TRPC7: variants seen among roughly 807,000 people sequenced by gnomAD.
TRPC7 encodes the protein transient receptor potential cation channel subfamily C member 7.
In TRPC7, 42 loss-of-function variants were observed where a neutral mutation model predicts 90.1. That is an observed-to-expected ratio of 0.47 (90% CI 0.36 to 0.60). The LOEUF (loss-of-function observed/expected upper bound fraction) is 0.60, where lower values mean the gene tolerates loss of function less well. Among genes scored for constraint, TRPC7 ranks in the 20% least tolerant of loss-of-function variants. The probability of loss-of-function intolerance (pLI) is 0.00; values close to 1 mark genes in which losing one functional copy is unlikely to be tolerated. For missense variants in TRPC7, 955 were observed against 1,112.3 expected (o/e 0.86, Z 2.01); for synonymous variants, 451 against 436.3 (o/e 1.03, Z -0.42).
At position 136,228,032 on chromosome 5, in the gene TRPC7, GA is replaced by G. The variant is rs541849997; in HGVS notation, c.2041-1778del. ...GTGCTAGGGAGGCCCTGGGCATGAC[GA>G]TCCATGCCGTGGTGGAACACACAGT... On this transcript the variant is annotated intron_variant, in intron 8 of 11. Transcript: ENST00000513104. Among the ~76,000 whole-genome samples, 55 of 152,200 alleles carry G rather than the reference GA, an allele frequency of 3.6e-4. No individual in the cohort carries two copies. In the South Asian group the frequency reaches 0.011, roughly 30 times the overall value.
intron 3 of TRPC7, among the ~76,000 whole-genome samples, chr5:136,286,538 A>T (rs1757725235): frequency 6.6e-6 from 1 of 152,214 alleles, no homozygotes; most frequent in Non-Finnish European, 1.5e-5. Flanking sequence ...GGTGCCTGCC[A>T]TGTGGGTATA....
chr5:136,305,078 A>G (rs989014690), intron 3 of TRPC7, among the ~76,000 whole-genome samples: 18 of 152,226 alleles, frequency 1.2e-4, no homozygotes, highest in Admixed American at 9.2e-4. Context: ...TGACGCATAT[A>G]CTTTCTGCTC....
chr5:136,226,702 T>C (rs1196980314), intron 8 of TRPC7, among the ~76,000 whole-genome samples: 1 of 152,248 alleles, frequency 6.6e-6, no homozygotes, highest in Non-Finnish European at 1.5e-5. Context: ...GCCAAAAAGA[T>C]GAGCCACATA....
intron 3 of TRPC7, among the ~76,000 whole-genome samples, chr5:136,275,491 G>C (rs1251654675): frequency 6.6e-6 from 1 of 152,176 alleles, no homozygotes; most frequent in Non-Finnish European, 1.5e-5. Flanking sequence ...CTGGATCCCA[G>C]TGGTGTTGGG....
intron 5 of TRPC7, among the ~76,000 whole-genome samples, chr5:136,264,180 T>C (rs1285780468): frequency 6.6e-6 from 1 of 152,156 alleles, no homozygotes. Context: ...ACATCCCTTA[T>C]ATTGGAATAA....
chr5:136,351,115 G>A (rs1760179115), intron 2 of TRPC7, among the ~76,000 whole-genome samples: 1 of 152,094 alleles, frequency 6.6e-6, no homozygotes, highest in Non-Finnish European at 1.5e-5. Flanking sequence ...TTATATATTT[G>A]TATTATTTTT....
chr5:136,292,235 A>G (rs1418998075), intron 3 of TRPC7, among the ~76,000 whole-genome samples: 2 of 152,226 alleles, frequency 1.3e-5, no homozygotes, highest in Non-Finnish European at 2.9e-5. Context: ...TAAAAGAACT[A>G]GAGAAGCAAG....
At chr5:136,328,209 T>G (rs1040833893) in intron 2 of TRPC7, among the ~76,000 whole-genome samples, 5 of 152,100 alleles carry the variant, frequency 3.3e-5, no homozygotes, top group African/African-American at 1.2e-4. Context: ...TCAGGGGGAT[T>G]TAGGCAACTC....
intron 7 of TRPC7, among the ~76,000 whole-genome samples, chr5:136,235,195 A>G (rs1355238702): frequency 6.6e-6 from 1 of 152,222 alleles, no homozygotes; most frequent in Non-Finnish European, 1.5e-5. Flanking sequence ...TAAGACAAAC[A>G]ATGGATGATA....
At chr5:136,307,419 GC>G (rs1758675118) in intron 3 of TRPC7, among the ~76,000 whole-genome samples, 1 of 152,278 alleles carries the variant, frequency 6.6e-6, no homozygotes, top group African/African-American at 2.4e-5. Context: ...AGGCACTGGT[GC>G]TTTTTTTGGT....
rs960081629 is a variant in TRPC7, at chr5:136,251,760, A to T, written c.1468T>A (p.Phe490Ile). The T allele has an allele frequency of 6.8e-6, 11 of 1,613,956 alleles. No homozygotes were observed. The African/African-American group carries it at 9.3e-5, about 14-fold the overall frequency. Residue 490 changes from phenylalanine to isoleucine, a missense_variant, in exon 6 of 12, where the codon TTC becomes ATC. Physicochemically the swap from Phe to Ile is conservative, Grantham distance 21. Around this residue, in one of 4 missense-constraint regions of TRPC7, gnomAD observed 484 missense variants for 509.6 expected, o/e 0.95. Coordinates refer to ENST00000513104, the MANE Select transcript of TRPC7 (RefSeq NM_020389.3). ...SIFVASFTAR[F>I]MAFLKATEAQ... ...TCCGTGGCCTTCAGGAAGGCCATGA[A>T]GCGTGCTGTGAAGGAGGCCACGAAG...
At chr5:136,227,652 A>T (rs1237827038) in intron 8 of TRPC7, among the ~76,000 whole-genome samples, 4 of 152,156 alleles carry the variant, frequency 2.6e-5, no homozygotes, top group African/African-American at 9.7e-5. Context: ...TCGCTGTACA[A>T]GAGAGTTGTA....
intron 3 of TRPC7, among the ~76,000 whole-genome samples, chr5:136,312,366 T>C (rs1196898864): frequency 2.0e-5 from 3 of 152,162 alleles, no homozygotes; most frequent in Admixed American, 6.5e-5. Flanking sequence ...AGAAGAACCC[T>C]AGAGTCCCAA....
Position 136,247,241 on chromosome 5 carries a change from T to C in TRPC7, c.1844+230A>G, listed in dbSNP as rs569786709. Among the ~76,000 whole-genome samples, 1 of 151,184 alleles carries C rather than the reference T, an allele frequency of 6.6e-6. No individual in the cohort carries two copies. The highest frequency in any genetic ancestry group is 6.6e-5 in the Admixed American group (1 of 15,164). ...TACATGTGATTTTTTTTTTTCTAAA[T>C]GGGAACATGCTCTGGTCACACGAAA... On this transcript the variant is annotated intron_variant, in intron 7 of 11. Transcript: ENST00000513104. This position sits in a 1 kb window ranked among gnomAD's most constrained non-coding sequence, Gnocchi z 4.2.
chr5:136,238,609 A>G (rs2149800230), intron 7 of TRPC7, among the ~76,000 whole-genome samples: 1 of 120,824 alleles, frequency 8.3e-6, no homozygotes, highest in African/African-American at 3.0e-5. Flanking sequence ...TAAAAAGGTG[A>G]GACCCTCTCC....
intron 2 of TRPC7, among the ~76,000 whole-genome samples, chr5:136,318,247 T>C (rs972259527): frequency 5.3e-5 from 8 of 152,200 alleles, no homozygotes; most frequent in African/African-American, 1.9e-4. Context: ...TGGAAGGAGA[T>C]GACATACACC....
intron 8 of TRPC7, among the ~76,000 whole-genome samples, chr5:136,230,849 C>T (rs567040562): frequency 6.6e-6 from 1 of 152,196 alleles, no homozygotes; most frequent in Admixed American, 6.5e-5. Flanking sequence ...CCACTCCCCA[C>T]AACCTGGTTG....
chr5:136,361,049 C>G (rs927464782), intron 1 of TRPC7, among the ~76,000 whole-genome samples: 2 of 152,162 alleles, frequency 1.3e-5, no homozygotes, highest in African/African-American at 4.8e-5. Flanking sequence ...GATAAAGTCA[C>G]ATGTCTCTCA....
At chr5:136,254,300 C>G (rs1336805180) in intron 5 of TRPC7, among the ~76,000 whole-genome samples, 1 of 152,188 alleles carries the variant, frequency 6.6e-6, no homozygotes, top group African/African-American at 2.4e-5. Flanking sequence ...TTAGAACTTT[C>G]AGAGCTATAG....
Sources: allele counts gnomAD v4.1 joint callset (sites outside exome capture counted in the v4.1 genomes callset), GRCh38; gene constraint gnomAD v4.1.1; regional missense constraint gnomAD v4.1.1; non-coding constraint Gnocchi (gnomAD v3.1); transcripts MANE v1.5; gene names NCBI Gene and HGNC (gene_info 2026-07-23, HGNC 2026-07-21).